The following GPATCH1 variants were observed in gnomAD, a reference collection of about 807,000 sequenced individuals.
The protein encoded by GPATCH1 is G-patch domain containing 1, also known as G patch domain-containing protein 1.
A neutral mutation model predicts 114.9 loss-of-function variants in GPATCH1; 73 were observed. The ratio of observed to expected loss-of-function variants is 0.64; its 90% confidence interval spans 0.53 to 0.77. The LOEUF (loss-of-function observed/expected upper bound fraction) is 0.77, where lower values mean the gene tolerates loss of function less well. Ranked by LOEUF, GPATCH1 falls within the 30% of genes least tolerant of loss-of-function variation. GPATCH1 has a pLI of 0.00. For missense variants in GPATCH1, 1,058 were observed against 1,144.3 expected, an observed-to-expected ratio of 0.92 and a Z score of 1.09; for synonymous variants, 391 against 428.4, an observed-to-expected ratio of 0.91 and a Z score of 1.08.
At position 33,113,761 on chromosome 19, in the gene GPATCH1, T is replaced by A; in HGVS notation, c.1893-6T>A. 1 of 1,612,390 alleles carries A rather than the reference T, an allele frequency of 6.2e-7. No individual in the cohort carries two copies. The highest frequency in any genetic ancestry group is 1.3e-5 in the African/African-American group (1 of 74,960). Reference sequence around the variant, plus strand: ...TTACTAAAATGATTCTTTTTTCAATTCCCAGTTCAACTTTAGTTGGCTTAC... The same window carrying A: ...TTACTAAAATGATTCTTTTTTCAATACCCAGTTCAACTTTAGTTGGCTTAC... On this transcript the variant is annotated splice_polypyrimidine_tract_variant and splice_region_variant and intron_variant, in intron 13 of 19. Transcript: ENST00000170564.
At chr19:33,110,096 T>A in intron 11 of GPATCH1, 80 bp downstream of exon 11, 1 of 1,208,492 alleles carries the variant, frequency 8.3e-7, no homozygotes, top group Non-Finnish European at 1.2e-6. Context: ...GACCCATATT[T>A]ACAGTTGAGG....
At chr19:33,110,991 A>C (rs1972845029) in intron 11 of GPATCH1, among the ~76,000 whole-genome samples, 1 of 148,342 alleles carries the variant, frequency 6.7e-6, no homozygotes, top group Non-Finnish European at 1.5e-5. Context: ...TATATAAAAT[A>C]TATTATATAT....
chr19:33,094,793 T>C (rs1180851791), intron 5 of GPATCH1, among the ~76,000 whole-genome samples: 5 of 152,172 alleles, frequency 3.3e-5, no homozygotes, highest in Non-Finnish European at 7.3e-5. Context: ...CAGTCATTTC[T>C]TTTGGGTTCC....
Position 33,093,493 on chromosome 19 carries a change from C to T in GPATCH1, c.429C>T (p.Leu143=), listed in dbSNP as rs534032920. ...AATAPIPGAT[L]LDDLITPAKL... ...CTGCCCCTATTCCTGGAGCCACCCT[C>T]CTTGATGACCTCATAACGCCAGCAA... The change falls in exon 4 of 20, where the codon CTC becomes CTT. Residue 143 remains leucine, a synonymous_variant. Coordinates refer to ENST00000170564, the MANE Select transcript of GPATCH1 (RefSeq NM_018025.3). The T allele has an allele frequency of 9.9e-6, 16 of 1,613,808 alleles. No individual in the cohort carries two copies. The South Asian group carries it at 1.6e-4, about 17-fold the overall frequency.
At chr19:33,114,674 A>G (rs978117182) in intron 15 of GPATCH1, among the ~76,000 whole-genome samples, 1 of 152,172 alleles carries the variant, frequency 6.6e-6, no homozygotes, top group African/African-American at 2.4e-5. Context: ...AATCCTGGAA[A>G]ATATGTACAT....
At chr19:33,102,537 C>T (rs551364390) in intron 9 of GPATCH1, among the ~76,000 whole-genome samples, 13 of 151,398 alleles carry the variant, frequency 8.6e-5, no homozygotes, top group African/African-American at 3.1e-4. Context: ...GCTGGGATTA[C>T]AGGCGTGCAC....
chr19:33,105,347 G>A (rs186897268), intron 9 of GPATCH1, among the ~76,000 whole-genome samples: 23 of 146,904 alleles, frequency 1.6e-4, no homozygotes, highest in Non-Finnish European at 2.2e-4. Flanking sequence ...CAGGAGAATT[G>A]CATACCCAGA....
At chr19:33,115,428 T>G (rs1464749288) in intron 15 of GPATCH1, among the ~76,000 whole-genome samples, 2 of 151,616 alleles carry the variant, frequency 1.3e-5, no homozygotes, top group Non-Finnish European at 2.9e-5. Flanking sequence ...TTTTCTTTAG[T>G]GTTTGCGTAG....
At chr19:33,123,742 TA>T (rs34462345) in intron 17 of GPATCH1, among the ~76,000 whole-genome samples, 56 of 145,286 alleles carry the variant, frequency 3.9e-4, no homozygotes, top group Admixed American at 5.5e-4. Context: ...AGCGAGAACC[TA>T]AAAAAAAAAA....
chr19:33,092,902 T>TGTGAGGCGG (rs1184537250), intron 3 of GPATCH1, among the ~76,000 whole-genome samples: 1 of 151,880 alleles, frequency 6.6e-6, no homozygotes, highest in Non-Finnish European at 1.5e-5. Context: ...CTAAAGTCAG[T>TGTGAGGCGG]GTGAGGCGGG....
At chr19:33,126,411 T>A (rs1263043248) in intron 18 of GPATCH1, among the ~76,000 whole-genome samples, 177 bp from the exon 19 acceptor site, 2 of 152,122 alleles carry the variant, frequency 1.3e-5, no homozygotes, top group East Asian at 3.9e-4. Context: ...CAGTTGAGAG[T>A]GGCACAGCCG....
intron 8 of GPATCH1, chr19:33,100,383 A>G (rs1162940561): frequency 6.6e-6 from 1 of 151,858 alleles, no homozygotes; most frequent in African/African-American, 2.4e-5. Context: ...AGGTCAGGAG[A>G]TCGAGACCAT....
rs372434672 is a variant in GPATCH1 at position 33,113,908 on chromosome 19, G to C, written c.2029+5G>C. On this transcript the variant is annotated splice_donor_5th_base_variant and intron_variant, in intron 14 of 19. Coordinates refer to ENST00000170564, the MANE Select transcript of GPATCH1 (RefSeq NM_018025.3). ...CACAGCACCGAGGTCCCGACAGTGAGTAGGGCGTCCCCGGGGTCTCTGATT... is the reference window on the plus strand; with the variant it reads ...CACAGCACCGAGGTCCCGACAGTGACTAGGGCGTCCCCGGGGTCTCTGATT... 4.5e-5 allele frequency: 72 copies of C among 1,613,630 alleles called. No homozygotes were observed. Among genetic ancestry groups the C allele is most frequent in the Non-Finnish European group, 6.0e-5 (71 of 1,179,766 alleles).
intron 14 of GPATCH1, 31 bp from the exon 15 acceptor site, chr19:33,114,222 C>G (rs1333677616): frequency 1.3e-6 from 2 of 1,575,816 alleles, no homozygotes; most frequent in Non-Finnish European, 1.7e-6. Flanking sequence ...CTTGCTAATG[C>G]TGGAGTTTAT....
intron 8 of GPATCH1, among the ~76,000 whole-genome samples, chr19:33,098,158 C>T (rs1464932252): frequency 6.6e-6 from 1 of 152,158 alleles, no homozygotes; most frequent in African/African-American, 2.4e-5. Flanking sequence ...AAGAGGAATG[C>T]CTGGACCAGT....
Position 33,125,145 on chromosome 19 carries a change from TAAAAA to T in GPATCH1, c.2563_2567del (p.Lys855GlufsTer33), listed in dbSNP as rs1973026374. On this transcript the variant is annotated frameshift_variant, in exon 18 of 20. Coordinates refer to ENST00000170564, the MANE Select transcript of GPATCH1 (RefSeq NM_018025.3). LOFTEE classifies it high-confidence loss of function. ...TTGAGGTTCCTCAAAAAGAGAAACA[TAAAAA>T]GAACAAAGACAAGCACAAGGCCAAG... 1 of 1,600,956 alleles carries T rather than the reference TAAAAA, an allele frequency of 6.2e-7. No individual in the cohort carries two copies. The highest frequency in any genetic ancestry group is 8.5e-7 in the Non-Finnish European group (1 of 1,173,544).
At chr19:33,094,063 C>A in intron 4 of GPATCH1, 109 bp from the exon 5 acceptor site, 1 of 682,148 alleles carries the variant, frequency 1.5e-6, no homozygotes. Flanking sequence ...AGGGCAAGGG[C>A]CCAGGCAAGA....
intron 17 of GPATCH1, among the ~76,000 whole-genome samples, chr19:33,119,346 G>T (rs1032766823): frequency 2.6e-5 from 4 of 152,156 alleles, no homozygotes; most frequent in Non-Finnish European, 4.4e-5. Context: ...ATGTTTACAG[G>T]AGGGTCCTAA....
At chr19:33,097,048 C>A (rs559106674) in intron 7 of GPATCH1, among the ~76,000 whole-genome samples, 2 of 151,232 alleles carry the variant, frequency 1.3e-5, no homozygotes, top group South Asian at 4.2e-4. Flanking sequence ...CGGGTTGAAG[C>A]GATTCTCCTG....
Sources: allele counts gnomAD v4.1 joint callset (sites outside exome capture counted in the v4.1 genomes callset), GRCh38; gene constraint gnomAD v4.1.1; transcripts MANE v1.5; gene names NCBI Gene and HGNC (gene_info 2026-07-23, HGNC 2026-07-21).